ATP8A2: variants seen among roughly 807,000 people sequenced by gnomAD.
ATP8A2 encodes phospholipid-transporting ATPase IB.
Under a neutral mutation model 165.6 loss-of-function variants are expected in ATP8A2, and 100 were observed. The observed-to-expected ratio is 0.60, with a 90% CI of 0.51 to 0.71. The LOEUF (loss-of-function observed/expected upper bound fraction) is 0.71. Among genes scored for constraint, ATP8A2 ranks in the 30% least tolerant of loss-of-function variants. ATP8A2 has a pLI of 0.00. For missense variants in ATP8A2, 1,227 were observed against 1,479.5 expected, an observed-to-expected ratio of 0.83 and a Z score of 2.80; for synonymous variants, 543 against 548.8, an observed-to-expected ratio of 0.99 and a Z score of 0.15.
intron 33 of ATP8A2, among the ~76,000 whole-genome samples, chr13:25,867,485 C>T (rs868057172): frequency 5.1e-4 from 78 of 152,096 alleles, no homozygotes; most frequent in African/African-American, 1.7e-3. Context: ...GGGAGCTTAA[C>T]GGTAGGAATC....
intron 33 of ATP8A2, among the ~76,000 whole-genome samples, chr13:25,875,056 C>G (rs989460745): frequency 6.6e-6 from 1 of 151,772 alleles, no homozygotes; most frequent in Non-Finnish European, 1.5e-5. Context: ...AGTGAGTACT[C>G]GTAGAGACAG....
At chr13:25,643,857 A>T (rs991394199) in intron 24 of ATP8A2, among the ~76,000 whole-genome samples, 1 of 151,870 alleles carries the variant, frequency 6.6e-6, no homozygotes, top group Admixed American at 6.6e-5. Flanking sequence ...TAGCATGGAC[A>T]ATTTAACAAT....
chr13:25,598,244 A>G lies in ATP8A2; in HGVS notation c.2211+8545A>G, dbSNP rs74816429. On this transcript the variant is annotated intron_variant, in intron 24 of 36. Coordinates refer to ENST00000381655, the MANE Select transcript of ATP8A2 (RefSeq NM_016529.6). Reference sequence around the variant, plus strand: ...GTGTATGTATCCCTCTTTGTGCCCAATTCCACATTGTCTTCAATATGATAA... The same window carrying G: ...GTGTATGTATCCCTCTTTGTGCCCAGTTCCACATTGTCTTCAATATGATAA... Among the ~76,000 whole-genome samples the G allele has an allele frequency of 1.3e-3, 191 of 152,240 alleles. 2 individuals are homozygous for G. The highest frequency in any genetic ancestry group is 4.2e-3 in the African/African-American group (173 of 41,536).
chr13:25,390,509 C>T (rs1158693601), intron 1 of ATP8A2, among the ~76,000 whole-genome samples: 2 of 152,130 alleles, frequency 1.3e-5, no homozygotes, highest in African/African-American at 4.8e-5. Flanking sequence ...TTCCCCTCTC[C>T]CAGCCCCTAT....
At chr13:25,877,016 G>A (rs1952836164) in intron 33 of ATP8A2, among the ~76,000 whole-genome samples, 1 of 151,396 alleles carries the variant, frequency 6.6e-6, no homozygotes, top group Admixed American at 6.6e-5. Flanking sequence ...GTCTACTTGG[G>A]GATTTATTTT....
chr13:25,564,826 T>G (rs899945349), intron 16 of ATP8A2, among the ~76,000 whole-genome samples: 6 of 152,162 alleles, frequency 3.9e-5, no homozygotes, highest in Non-Finnish European at 7.3e-5. Flanking sequence ...CAGTATACAC[T>G]GCACCATATT....
intron 24 of ATP8A2, among the ~76,000 whole-genome samples, chr13:25,685,798 G>C (rs73171938): frequency 1.3e-5 from 2 of 152,146 alleles, no homozygotes; most frequent in Non-Finnish European, 2.9e-5. Context: ...AGAAGCTTTG[G>C]AGGACTTTGA....
chr13:25,764,907 G>C (rs2044459585), intron 25 of ATP8A2, among the ~76,000 whole-genome samples: 1 of 152,182 alleles, frequency 6.6e-6, no homozygotes, highest in Non-Finnish European at 1.5e-5. Context: ...AGGCAGGTAA[G>C]ATCGGAGGAG....
At chr13:25,604,681 A>C (rs868359217) in intron 24 of ATP8A2, among the ~76,000 whole-genome samples, 2 of 152,256 alleles carry the variant, frequency 1.3e-5, no homozygotes, top group African/African-American at 4.8e-5. Flanking sequence ...AACTTAATGT[A>C]CCAAGCTCTT....
intron 35 of ATP8A2, among the ~76,000 whole-genome samples, chr13:25,984,036 C>T (rs753311856): frequency 6.6e-6 from 1 of 151,766 alleles, no homozygotes; most frequent in Non-Finnish European, 1.5e-5. Flanking sequence ...AGTTCAAGAC[C>T]AGCCTAGGCA....
intron 33 of ATP8A2, among the ~76,000 whole-genome samples, chr13:25,886,102 C>G (rs1953143375): frequency 6.6e-6 from 1 of 152,194 alleles, no homozygotes; most frequent in African/African-American, 2.4e-5. Flanking sequence ...GAAGCTTTTC[C>G]TCCAAGAATA....
intron 35 of ATP8A2, among the ~76,000 whole-genome samples, chr13:25,998,508 T>C (rs1343470440): frequency 6.6e-6 from 1 of 152,168 alleles, no homozygotes; most frequent in East Asian, 1.9e-4. Flanking sequence ...CTTGCTAGGC[T>C]GCCCCTTTCC....
At chr13:25,602,885 T>G (rs1385262596) in intron 24 of ATP8A2, among the ~76,000 whole-genome samples, 1 of 151,354 alleles carries the variant, frequency 6.6e-6, no homozygotes, top group Non-Finnish European at 1.5e-5. Flanking sequence ...GCCTGGCCAA[T>G]ATGGTGAAAT....
At chr13:25,698,303 G>A (rs1313124364) in intron 24 of ATP8A2, among the ~76,000 whole-genome samples, 3 of 151,198 alleles carry the variant, frequency 2.0e-5, no homozygotes, top group East Asian at 1.9e-4. Context: ...TCACTACAGC[G>A]TCAACTTTCC....
chr13:25,702,201 A>AT lies in ATP8A2; in HGVS notation c.2384+2864dup, dbSNP rs553385940. On this transcript the variant is annotated intron_variant, in intron 25 of 36. Transcript: ENST00000381655. ...TATTTCTCTAATAATGAAAGAAGTA[A>AT]TTTTTTTTCAGAAAATAACTGGTCT... Among the ~76,000 whole-genome samples, 28 of 152,126 alleles carry AT rather than the reference A, an allele frequency of 1.8e-4. No individual in the cohort carries two copies. In the East Asian group the frequency reaches 4.8e-3, roughly 26 times the overall value.
chr13:25,662,707 A>G (rs2042075676), intron 24 of ATP8A2, among the ~76,000 whole-genome samples: 1 of 152,192 alleles, frequency 6.6e-6, no homozygotes, highest in South Asian at 2.1e-4. Context: ...AGCCCTTGGC[A>G]ACATTGTTTT....
At chr13:25,681,504 T>G (rs1173965023) in intron 24 of ATP8A2, among the ~76,000 whole-genome samples, 1 of 152,190 alleles carries the variant, frequency 6.6e-6, no homozygotes, top group South Asian at 2.1e-4. Context: ...GCTGCAGGGT[T>G]AGGGCATTGG....
At chr13:25,461,513 G>A (rs1171392674) in intron 1 of ATP8A2, among the ~76,000 whole-genome samples, 1 of 152,132 alleles carries the variant, frequency 6.6e-6, no homozygotes, top group South Asian at 2.1e-4. Flanking sequence ...CTCATGTTAC[G>A]AAGGCTTTGT....
At chr13:25,802,825 C>G (rs1219274758) in intron 27 of ATP8A2, among the ~76,000 whole-genome samples, 3 of 152,122 alleles carry the variant, frequency 2.0e-5, no homozygotes, top group Non-Finnish European at 4.4e-5. Context: ...GTTACTGCCT[C>G]ACTAGAGGTG....
Sources: allele counts gnomAD v4.1 joint callset (sites outside exome capture counted in the v4.1 genomes callset), GRCh38; gene constraint gnomAD v4.1.1; transcripts MANE v1.5; gene names NCBI Gene and HGNC (gene_info 2026-07-23, HGNC 2026-07-21).